AP1S3: variants seen among roughly 807,000 people sequenced by gnomAD.
AP1S3 encodes the protein AP-1 complex subunit sigma-3.
Under a neutral mutation model 20.9 loss-of-function variants are expected in AP1S3, and 10 were observed. The ratio of observed to expected loss-of-function variants is 0.48; its 90% CI spans 0.29 to 0.81. The LOEUF is 0.81. AP1S3 is among the 30% of genes least tolerant of loss of function. AP1S3 has a pLI of 0.08. For missense variants in AP1S3, 154 were observed against 183.8 expected (o/e 0.84, Z 0.94); for synonymous variants, 41 against 61.5 (o/e 0.67, Z 1.56).
In AP1S3 at chr2:223,777,984, A is replaced by C. The variant is rs893920875; in HGVS notation, c.4-115T>G. The C allele has an allele frequency of 5.5e-5, 51 of 926,422 alleles. 2 individuals are homozygous for C. Among genetic ancestry groups the C allele is most frequent in the Admixed American group, 5.4e-4 (16 of 29,716 alleles). 57.4% of individuals were successfully genotyped at this position (926,422 alleles called of 1,614,324 possible). ...CAGAAAGATAATTCTGAACGGATGA[A>C]AAAATTCTTACCAGCATGAAAACTA... On this transcript the variant is annotated intron_variant, in intron 1 of 4. Coordinates refer to ENST00000396654, the MANE Select transcript of AP1S3 (RefSeq NM_001039569.2).
intron 3 of AP1S3, among the ~76,000 whole-genome samples, chr2:223,768,488 C>G (rs1181329233): frequency 1.3e-5 from 2 of 152,138 alleles, no homozygotes; most frequent in Non-Finnish European, 2.9e-5. Context: ...TCTTCATTAT[C>G]TTTATATCCC....
At chr2:223,825,842 C>G (rs1347547501) in intron 1 of AP1S3, among the ~76,000 whole-genome samples, 1 of 152,012 alleles carries the variant, frequency 6.6e-6, no homozygotes, top group Non-Finnish European at 1.5e-5. Context: ...CATGGGGAAA[C>G]CCCATCTCTA....
intron 3 of AP1S3, among the ~76,000 whole-genome samples, chr2:223,771,614 A>G (rs1260207996): frequency 1.3e-5 from 2 of 152,282 alleles, no homozygotes; most frequent in Admixed American, 6.5e-5. Context: ...ATTTGGCTTA[A>G]GGTTCTTTTC....
At chr2:223,828,064 A>T (rs1169665486) in intron 1 of AP1S3, among the ~76,000 whole-genome samples, 1 of 35,000 alleles carries the variant, frequency 2.9e-5, no homozygotes, top group African/African-American at 1.2e-4. Flanking sequence ...CATCTAAAAA[A>T]AAAAAAAAAA....
intron 1 of AP1S3, among the ~76,000 whole-genome samples, chr2:223,781,723 GA>G (rs1690951749): frequency 6.6e-6 from 1 of 152,044 alleles, no homozygotes; most frequent in Non-Finnish European, 1.5e-5. Context: ...ATGGTTATAG[GA>G]ACACAAAGAA....
At chr2:223,771,923 A>G (rs1166714205) in intron 3 of AP1S3, among the ~76,000 whole-genome samples, 1 of 152,172 alleles carries the variant, frequency 6.6e-6, no homozygotes, top group African/African-American at 2.4e-5. Flanking sequence ...CCTGGCCAAC[A>G]TGGCAAAAAC....
chr2:223,821,524 A>G (rs987099478), intron 1 of AP1S3, among the ~76,000 whole-genome samples: 1 of 152,220 alleles, frequency 6.6e-6, no homozygotes, highest in African/African-American at 2.4e-5. Context: ...ATATGCCTAA[A>G]GCAAAATAGT....
intron 1 of AP1S3, among the ~76,000 whole-genome samples, chr2:223,836,837 A>C (rs1038239310): frequency 2.0e-5 from 3 of 152,062 alleles, no homozygotes; most frequent in Non-Finnish European, 2.9e-5. Flanking sequence ...TGGCCTATAA[A>C]AACCCGCCTC....
intron 1 of AP1S3, among the ~76,000 whole-genome samples, chr2:223,793,421 A>G (rs1267756456): frequency 6.6e-6 from 1 of 152,224 alleles, no homozygotes; most frequent in Non-Finnish European, 1.5e-5. Flanking sequence ...TGTCCTTTGC[A>G]GGGACATAGA....
At chr2:223,807,907 ACT>A (rs1187651454) in intron 1 of AP1S3, among the ~76,000 whole-genome samples, 11 of 104,916 alleles carry the variant, frequency 1.0e-4, no homozygotes, top group African/African-American at 4.3e-4. Context: ...ACAAGGTCTC[ACT>A]CTGTCACCCA....
intron 1 of AP1S3, among the ~76,000 whole-genome samples, chr2:223,793,788 C>G (rs1049554411): frequency 6.6e-6 from 1 of 151,998 alleles, no homozygotes; most frequent in Non-Finnish European, 1.5e-5. Context: ...TCCCCTTTTC[C>G]CACCACCACC....
chr2:223,811,333 T>TG (rs1334728925), intron 1 of AP1S3, among the ~76,000 whole-genome samples: 1 of 152,114 alleles, frequency 6.6e-6, no homozygotes, highest in Non-Finnish European at 1.5e-5. Flanking sequence ...TTTTGGAGGC[T>TG]GAGGTGGGCA....
At chr2:223,833,239 A>AAAATAAAT (rs144135099) in intron 1 of AP1S3, among the ~76,000 whole-genome samples, 17 of 141,246 alleles carry the variant, frequency 1.2e-4, no homozygotes, top group Non-Finnish European at 2.3e-4. Context: ...TGTTAAAGGC[A>AAAATAAAT]AAATACATAC....
intron 1 of AP1S3, among the ~76,000 whole-genome samples, chr2:223,829,327 T>C (rs1574733834): frequency 6.6e-6 from 1 of 152,118 alleles, no homozygotes; most frequent in African/African-American, 2.4e-5. Flanking sequence ...AAATAAAGTT[T>C]TATTAAAACA....
chr2:223,819,160 A>G (rs1467850497), intron 1 of AP1S3, among the ~76,000 whole-genome samples: 2 of 152,186 alleles, frequency 1.3e-5, no homozygotes, highest in Admixed American at 6.5e-5. Flanking sequence ...TGAAAGTAGT[A>G]CAGTGAGTGC....
rs1036593077 is a variant in AP1S3 at position 223,756,128 on chromosome 2, C to T, written c.*2587G>A. ...CCAAGGCGGGCGGATCACCTGAGGTCGGCGTTCAAGACCAGCCTGACCAAC... is the reference window on the plus strand; with the variant it reads ...CCAAGGCGGGCGGATCACCTGAGGTTGGCGTTCAAGACCAGCCTGACCAAC... On this transcript the variant is annotated 3_prime_UTR_variant, in exon 5 of 5. Transcript: ENST00000396654. 6.2e-6 allele frequency: 5 copies of T among 802,236 alleles called. No individual in the cohort carries two copies. The highest frequency in any genetic ancestry group is 3.7e-5 in the African/African-American group (2 of 53,484). The allele number at this position is 802,236 out of a possible 1,614,324, so 49.7% of individuals were successfully genotyped here.
chr2:223,812,931 GTTTT>G (rs1026427278), intron 1 of AP1S3, among the ~76,000 whole-genome samples: 1 of 148,192 alleles, frequency 6.7e-6, no homozygotes, highest in South Asian at 2.2e-4. Flanking sequence ...GGGGTTTTTT[GTTTT>G]TTTTTTAATT....
chr2:223,816,977 T>C (rs1391558519), intron 1 of AP1S3, among the ~76,000 whole-genome samples: 1 of 151,818 alleles, frequency 6.6e-6, no homozygotes, highest in Non-Finnish European at 1.5e-5. Flanking sequence ...ATACAAACAT[T>C]AGCTAGGTGT....
At chr2:223,777,560 T>C (rs1039449780) in intron 2 of AP1S3, 131 bp downstream of exon 2, 9 of 780,824 alleles carry the variant, frequency 1.2e-5, no homozygotes, top group African/African-American at 1.8e-5. Flanking sequence ...AGTCTATTGG[T>C]ACAAATATCT....
Sources: allele counts gnomAD v4.1 joint callset (sites outside exome capture counted in the v4.1 genomes callset), GRCh38; gene constraint gnomAD v4.1.1; transcripts MANE v1.5; gene names NCBI Gene and HGNC (gene_info 2026-07-23, HGNC 2026-07-21).